AFAP1: variants seen among roughly 807,000 people sequenced by gnomAD.
AFAP1 encodes actin filament associated protein 1.
In AFAP1, 75 loss-of-function variants were observed where a neutral mutation model predicts 93.9. That is an observed-to-expected ratio of 0.80 (90% CI 0.66 to 0.97). AFAP1 has a LOEUF of 0.97. AFAP1 is among the 50% of genes least tolerant of loss of function. The pLI is 0.00. For synonymous variants in AFAP1, 517 were observed against 430.7 expected (o/e 1.20, Z -2.48); for missense variants, 1,201 against 1,050.8 (o/e 1.14, Z -1.98).
At chr4:7,889,595 T>C (rs7695510) in intron 1 of AFAP1, among the ~76,000 whole-genome samples, 13,603 of 149,004 alleles carry the variant, frequency 0.091, 1,207 homozygotes, top group East Asian at 0.49. Context: ...AACTAAAGTT[T>C]TTCATATTCT....
intron 11 of AFAP1, among the ~76,000 whole-genome samples, chr4:7,793,151 A>T (rs1718036996): frequency 6.9e-6 from 1 of 144,620 alleles, no homozygotes; most frequent in Non-Finnish European, 1.5e-5. Flanking sequence ...GTTTTTATAG[A>T]TGACTGCAGC....
chr4:7,774,703 A>T, intron 15 of AFAP1, 36 bp downstream of exon 15: 1 of 1,605,780 alleles, frequency 6.2e-7, no homozygotes, highest in Non-Finnish European at 8.5e-7. Context: ...TCTAATACAA[A>T]CATGCACCCT....
chr4:7,762,362 T>C lies in AFAP1; in HGVS notation c.*1403A>G, dbSNP rs914600683. On this transcript the variant is annotated 3_prime_UTR_variant, in exon 18 of 18. Transcript: ENST00000420658. ...CCAAGTATGGCACCTCTGTATTCTA[T>C]GCTTGGGGAAGGGGCGGTTGCTACT... 6.6e-6 allele frequency: 1 copy of C among 152,236 alleles called. No homozygotes were observed. The highest frequency in any genetic ancestry group is 2.4e-5 in the African/African-American group (1 of 41,458). 9.4% of individuals were successfully genotyped at this position (152,236 alleles called of 1,614,324 possible).
intron 1 of AFAP1, among the ~76,000 whole-genome samples, chr4:7,910,088 C>A (rs1004402506): frequency 3.3e-5 from 5 of 152,310 alleles, no homozygotes; most frequent in South Asian, 2.1e-4. Context: ...CTTCTTGTAT[C>A]TTCCCGGTCA....
chr4:7,766,483 A>T (rs1172092032), intron 17 of AFAP1, among the ~76,000 whole-genome samples: 1 of 152,222 alleles, frequency 6.6e-6, no homozygotes, highest in East Asian at 1.9e-4. Context: ...CCACAGAATA[A>T]GCGACAGGAT....
intron 1 of AFAP1, 131 bp from the exon 2 acceptor site, chr4:7,872,211 A>G: frequency 8.7e-7 from 1 of 1,150,182 alleles, no homozygotes; most frequent in South Asian, 1.9e-5. Flanking sequence ...CCTAAAAAAC[A>G]AGTTTGCTGA....
chr4:7,891,429 A>G (rs1034707593), intron 1 of AFAP1, among the ~76,000 whole-genome samples: 27 of 151,886 alleles, frequency 1.8e-4, no homozygotes, highest in African/African-American at 6.6e-4. Flanking sequence ...GTAAAATTCA[A>G]CAGGAAACAC....
chr4:7,762,052 C>T lies in AFAP1; in HGVS notation c.*1713G>A, dbSNP rs1240562267. ...CGTTCCCAGCAGATGGCTTTGCAAT[C>T]AATTCAAGTTCAGGTGGACTCAAGC... is the stretch of plus-strand genomic sequence containing the variant. On this transcript the variant is annotated 3_prime_UTR_variant, in exon 18 of 18. Transcript: ENST00000420658. 2 of 152,254 alleles carry T rather than the reference C, an allele frequency of 1.3e-5. No homozygotes were observed. The highest frequency in any genetic ancestry group is 2.9e-5 in the Non-Finnish European group (2 of 68,064). The allele number at this position is 152,254 out of a possible 1,614,324, so 9.4% of individuals were successfully genotyped here. A position where few individuals can be genotyped will look rare whatever the true frequency, so the allele number is the denominator to read the frequency against.
intron 8 of AFAP1, among the ~76,000 whole-genome samples, chr4:7,810,396 G>A (rs983183398): frequency 1.3e-5 from 2 of 152,226 alleles, no homozygotes; most frequent in East Asian, 3.9e-4. Context: ...GTCCAGGTAA[G>A]AAAAACATCA....
intron 1 of AFAP1, among the ~76,000 whole-genome samples, chr4:7,898,808 A>AGTGTGTGTGTGT (rs56404898): frequency 0.31 from 42,893 of 136,356 alleles, 7,141 homozygotes; most frequent in Non-Finnish European, 0.39. Flanking sequence ...GGGCAGTAGA[A>AGTGTGTGTGTGT]GTGTGTGTGT....
At chr4:7,831,995 AC>A (rs777190536) in intron 6 of AFAP1, among the ~76,000 whole-genome samples, 1 of 151,980 alleles carries the variant, frequency 6.6e-6, no homozygotes, top group Non-Finnish European at 1.5e-5. Flanking sequence ...CCTGACTTAG[AC>A]CCCCTGCTTG....
intron 1 of AFAP1, among the ~76,000 whole-genome samples, chr4:7,921,434 C>T (rs1170172804): frequency 6.6e-6 from 1 of 152,012 alleles, no homozygotes; most frequent in Admixed American, 6.6e-5. Flanking sequence ...ATCCGCCTGT[C>T]TCCGCCTCTC....
intron 1 of AFAP1, among the ~76,000 whole-genome samples, chr4:7,909,728 T>G (rs1719626260): frequency 6.6e-6 from 1 of 152,190 alleles, no homozygotes; most frequent in South Asian, 2.1e-4. Flanking sequence ...GGATCTCAAT[T>G]TTTACTGTAT....
At chr4:7,902,593 A>G (rs956673002) in intron 1 of AFAP1, among the ~76,000 whole-genome samples, 1 of 152,214 alleles carries the variant, frequency 6.6e-6, no homozygotes, top group Non-Finnish European at 1.5e-5. Context: ...GGACATTTAA[A>G]GACATCATAG....
At chr4:7,862,298 A>C (rs1304605922) in intron 3 of AFAP1, 1 of 151,388 alleles carries the variant, frequency 6.6e-6, no homozygotes, top group Non-Finnish European at 1.5e-5. Context: ...ATGCCACTGC[A>C]CTCCAGCCTA....
intron 10 of AFAP1, among the ~76,000 whole-genome samples, chr4:7,799,316 A>C (rs1037160752): frequency 3.3e-5 from 5 of 149,328 alleles, no homozygotes; most frequent in Non-Finnish European, 7.4e-5. Context: ...GTGTTCATCT[A>C]TTTTTCATCC....
At chr4:7,808,511 TGACCAAAAGGTAGCTGCTC>T (rs2149048083) in intron 9 of AFAP1, among the ~76,000 whole-genome samples, 1 of 5,470 alleles carries the variant, frequency 1.8e-4, no homozygotes, top group Non-Finnish European at 2.7e-4. Context: ...TGCTCAAAGA[TGACCAAAAGGTAGCTGCTC>T]AAAGATGACT....
At chr4:7,838,887 G>A (rs1347152001) in intron 5 of AFAP1, among the ~76,000 whole-genome samples, 184 bp from the exon 6 acceptor site, 6 of 151,758 alleles carry the variant, frequency 4.0e-5, no homozygotes, top group Non-Finnish European at 7.4e-5. Flanking sequence ...CAGACACTTC[G>A]CCTCCAAGTG....
chr4:7,929,456 G>T (rs1210265123), intron 1 of AFAP1, among the ~76,000 whole-genome samples: 1 of 152,214 alleles, frequency 6.6e-6, no homozygotes, highest in African/African-American at 2.4e-5. Context: ...TTTGGGGCTG[G>T]CTGGCTGTAA....
Sources: gnomAD v4.1 joint callset for allele counts (sites outside exome capture counted in the v4.1 genomes callset) on GRCh38, gnomAD v4.1.1 for gene constraint, MANE v1.5 for transcripts, NCBI Gene and HGNC (gene_info 2026-07-23, HGNC 2026-07-21) for gene names.